The following CSF1R variants were observed in gnomAD, a reference collection of about 807,000 sequenced individuals.
CSF1R encodes colony stimulating factor 1 receptor.
In CSF1R, 40 loss-of-function variants were observed where a neutral mutation model predicts 110.0. The observed-to-expected ratio is 0.36, with a 90% CI of 0.28 to 0.47. The LOEUF (loss-of-function observed/expected upper bound fraction) is 0.47. CSF1R is among the 20% of genes least tolerant of loss of function. The probability of loss-of-function intolerance (pLI) is 0.99; values close to 1 mark genes in which losing one functional copy is unlikely to be tolerated. For synonymous variants in CSF1R, 523 were observed against 503.4 expected, an observed-to-expected ratio of 1.04 and a Z score of -0.52; for missense variants, 1,052 against 1,253.0, an observed-to-expected ratio of 0.84 and a Z score of 2.42.
chr5:150,053,769 T>G lies in CSF1R; in HGVS notation c.*300A>C. Reference sequence around the variant, plus strand: ...GTCCATTTCCATGAAGATAAGGGGATTAGGAAAGAAGGTTCTACTAGTTGG... The same window carrying G: ...GTCCATTTCCATGAAGATAAGGGGAGTAGGAAAGAAGGTTCTACTAGTTGG... On this transcript the variant is annotated 3_prime_UTR_variant, in exon 21 of 21. Coordinates refer to ENST00000675795, the MANE Select transcript of CSF1R (RefSeq NM_001288705.3). 2.1e-6 allele frequency: 1 copy of G among 482,032 alleles called. No homozygotes were observed. Among genetic ancestry groups the G allele is most frequent in the Non-Finnish European group, 3.8e-6 (1 of 265,288 alleles). 29.9% of individuals were successfully genotyped at this position (482,032 alleles called of 1,614,324 possible). A position where few individuals can be genotyped will look rare whatever the true frequency, so the allele number is the denominator to read the frequency against.
intron 1 of CSF1R, among the ~76,000 whole-genome samples, chr5:150,084,435 GAAGGAAGGAAGGAAGGAAGGAAGAAAGA>G: frequency 1.6e-5 from 1 of 64,450 alleles, no homozygotes; most frequent in Non-Finnish European, 3.0e-5. Context: ...AGGAAGGAAG[GAAGGAAGGAAGGAAGGAAGGAAGAAAGA>G]AAGGAAGGAG....
chr5:150,074,584 G>A (rs1158983008), intron 5 of CSF1R, among the ~76,000 whole-genome samples: 1 of 152,114 alleles, frequency 6.6e-6, no homozygotes, highest in Non-Finnish European at 1.5e-5. Flanking sequence ...GCCTCTCCGT[G>A]CCTGTCATGG....
intron 10 of CSF1R, among the ~76,000 whole-genome samples, chr5:150,067,538 T>C (rs1581302160): frequency 6.6e-6 from 1 of 150,686 alleles, no homozygotes; most frequent in East Asian, 2.1e-4. Flanking sequence ...ATCACTGTCA[T>C]ATACTGAGCA....
At chr5:150,073,934 A>G (rs1187609927) in intron 5 of CSF1R, among the ~76,000 whole-genome samples, 3 of 152,200 alleles carry the variant, frequency 2.0e-5, no homozygotes, top group African/African-American at 7.2e-5. Flanking sequence ...TGTGTAACCC[A>G]GGCCAACCAG....
At position 150,080,801 on chromosome 5, in the gene CSF1R, C is replaced by CAGG; in HGVS notation, c.270_272dup (p.Leu91dup). 1 of 1,614,116 alleles carries CAGG rather than the reference C, an allele frequency of 6.2e-7. No homozygotes were observed. Among genetic ancestry groups the CAGG allele is most frequent in the Non-Finnish European group, 8.5e-7 (1 of 1,180,010 alleles). ...AGAGGTGGATGGCGGCGCTGCCTCC[C>CAGG]AGGGGGTCTCCAGGCTCAGTGCAGC... On this transcript the variant is annotated inframe_insertion, in exon 2 of 21. Coordinates refer to ENST00000675795, the MANE Select transcript of CSF1R (RefSeq NM_001288705.3).
intron 1 of CSF1R, among the ~76,000 whole-genome samples, chr5:150,105,360 AAAAAT>A (rs1361093200): frequency 1.1e-3 from 115 of 100,716 alleles, no homozygotes; most frequent in African/African-American, 4.8e-3. Flanking sequence ...AAAAAAAAAA[AAAAAT>A]ATATATATAT....
intron 1 of CSF1R, among the ~76,000 whole-genome samples, chr5:150,098,201 T>C (rs901488627): frequency 6.9e-6 from 1 of 144,494 alleles, no homozygotes; most frequent in South Asian, 2.3e-4. Flanking sequence ...AAGAAAAAAA[T>C]AAAAATCAAA....
intron 15 of CSF1R, 35 bp from the exon 16 acceptor site, chr5:150,057,419 A>G: frequency 6.2e-7 from 1 of 1,610,930 alleles, no homozygotes; most frequent in Non-Finnish European, 8.5e-7. Context: ...CAGCCCTGCC[A>G]CACTCCCCAC....
At chr5:150,060,011 C>T in intron 13 of CSF1R, 149 bp from the exon 14 acceptor site, 1 of 870,444 alleles carries the variant, frequency 1.1e-6, no homozygotes, top group Non-Finnish European at 1.7e-6. Flanking sequence ...TTCCTTGTGC[C>T]TCAGTAGTTC....
At chr5:150,099,516 G>A (rs1174658473) in intron 1 of CSF1R, among the ~76,000 whole-genome samples, 2 of 152,260 alleles carry the variant, frequency 1.3e-5, no homozygotes, top group East Asian at 3.9e-4. Flanking sequence ...ATAAACTGTG[G>A]TATATCCATA....
chr5:150,061,823 C>T lies in CSF1R; in HGVS notation c.1653G>A (p.Lys551=), dbSNP rs201104874. 133 of 1,614,092 alleles carry T rather than the reference C, an allele frequency of 8.2e-5. No homozygotes were observed. The highest frequency in any genetic ancestry group is 9.7e-5 in the Non-Finnish European group (114 of 1,180,040). ...TGTTGCCCTCATAGCTCTCGATGAT[C>T]TTCCAGCGGACCTGGTACTTGGGCT... is the stretch of plus-strand genomic sequence containing the variant. The part of the protein sequence containing the change: ...KQKPKYQVRW[K]IIESYEGNSY... The change falls in exon 11 of 21, where the codon AAG becomes AAA. Residue 551 remains lysine (K), a synonymous_variant. Transcript: ENST00000675795.
intron 9 of CSF1R, among the ~76,000 whole-genome samples, chr5:150,069,298 T>C (rs1436752874): frequency 1.3e-5 from 2 of 152,250 alleles, no homozygotes; most frequent in East Asian, 1.9e-4. Context: ...CAGAACTAGC[T>C]GGTAAGGAGC....
chr5:150,074,842 T>TACACACACAC (rs5872157), intron 5 of CSF1R, among the ~76,000 whole-genome samples: 17,190 of 151,804 alleles, frequency 0.11, 1,418 homozygotes, highest in East Asian at 0.51. Flanking sequence ...TCTTCCTTCC[T>TACACACACAC]ACACACACAC....
chr5:150,084,023 AC>A (rs1166564540), intron 1 of CSF1R, among the ~76,000 whole-genome samples: 1 of 152,064 alleles, frequency 6.6e-6, no homozygotes, highest in Non-Finnish European at 1.5e-5. Flanking sequence ...CATGTCCTTA[AC>A]CTTGGCAAAA....
upstream of CSF1R, among the ~76,000 whole-genome samples, chr5:150,089,807 TGTG>T (rs1758977972): frequency 6.6e-6 from 1 of 152,132 alleles, no homozygotes; most frequent in East Asian, 1.9e-4. Context: ...ATCAAAATAG[TGTG>T]GTATCAGCAT....
chr5:150,057,695 C>G, intron 14 of CSF1R, 103 bp from the exon 15 acceptor site: 1 of 793,250 alleles, frequency 1.3e-6, no homozygotes, highest in Non-Finnish European at 2.1e-6. Flanking sequence ...TGGAACCTCC[C>G]TTTCTGATAA....
chr5:150,094,449 A>G (rs1210397556), intron 1 of CSF1R: 12 of 1,597,558 alleles, frequency 7.5e-6, no homozygotes, highest in Non-Finnish European at 1.0e-5. Context: ...GAGGAAGCTT[A>G]TCTATGAAAA....
chr5:150,062,451 C>A (rs1368187027), intron 10 of CSF1R, among the ~76,000 whole-genome samples: 1 of 146,628 alleles, frequency 6.8e-6, no homozygotes, highest in African/African-American at 2.5e-5. Flanking sequence ...CCCTGGCAAC[C>A]ATGATTCTGC....
intron 1 of CSF1R, among the ~76,000 whole-genome samples, chr5:150,104,937 G>A (rs563870174): frequency 1.3e-5 from 2 of 151,162 alleles, no homozygotes; most frequent in Non-Finnish European, 3.0e-5. Flanking sequence ...GGAGTGCAGT[G>A]GCGTGATCTC....
Sources: allele counts gnomAD v4.1 joint callset (sites outside exome capture counted in the v4.1 genomes callset), GRCh38; gene constraint gnomAD v4.1.1; transcripts MANE v1.5; gene names NCBI Gene and HGNC (gene_info 2026-07-23, HGNC 2026-07-21).